Variants in VTI1A observed in about 807,000 individuals in gnomAD.
VTI1A encodes vesicle transport through interaction with t-SNAREs homolog 1A.
A neutral mutation model predicts 34.9 loss-of-function variants in VTI1A; 22 were observed. The ratio of observed to expected loss-of-function variants is 0.63; its 90% CI spans 0.45 to 0.90. VTI1A has a LOEUF of 0.90. Ranked by LOEUF, VTI1A falls within the 40% of genes least tolerant of loss-of-function variation. VTI1A has a pLI of 0.00. For missense variants in VTI1A, 268 were observed against 275.6 expected (o/e 0.97, Z 0.20); for synonymous variants, 87 against 97.3 (o/e 0.89, Z 0.62).
intron 5 of VTI1A, among the ~76,000 whole-genome samples, chr10:112,630,012 T>TA (rs1435819343): frequency 6.6e-6 from 1 of 152,212 alleles, no homozygotes; most frequent in African/African-American, 2.4e-5. Flanking sequence ...AGAGGGACTC[T>TA]AGTATGTTAA....
intron 5 of VTI1A, among the ~76,000 whole-genome samples, chr10:112,550,579 C>T (rs1851312176): frequency 1.3e-5 from 2 of 151,994 alleles, no homozygotes; most frequent in Admixed American, 6.6e-5. Flanking sequence ...CCAGCGTTGC[C>T]ACAAGAGAAC....
intron 3 of VTI1A, among the ~76,000 whole-genome samples, chr10:112,522,542 G>A (rs1850064996): frequency 1.3e-5 from 2 of 152,040 alleles, no homozygotes; most frequent in Non-Finnish European, 2.9e-5. Flanking sequence ...GGCCAAAATC[G>A]AATGGGAATG....
intron 7 of VTI1A, among the ~76,000 whole-genome samples, chr10:112,672,556 T>C (rs1847888273): frequency 6.6e-6 from 1 of 152,192 alleles, no homozygotes; most frequent in Admixed American, 6.5e-5. Context: ...ATGAAACAAG[T>C]GACCATTTAT....
At chr10:112,761,005 G>A (rs1851446645) in intron 7 of VTI1A, among the ~76,000 whole-genome samples, 1 of 151,894 alleles carries the variant, frequency 6.6e-6, no homozygotes, top group African/African-American at 2.4e-5. Flanking sequence ...ACCCTTGTCA[G>A]CACTGCTTTA....
intron 7 of VTI1A, among the ~76,000 whole-genome samples, chr10:112,780,112 TAA>T (rs773277515): frequency 3.4e-4 from 38 of 111,446 alleles, no homozygotes; most frequent in Non-Finnish European, 3.2e-4. Context: ...CCTTGTCTCT[TAA>T]AAAAAAAAAA....
chr10:112,534,418 T>C (rs1467100873), intron 4 of VTI1A, among the ~76,000 whole-genome samples: 2 of 152,170 alleles, frequency 1.3e-5, no homozygotes, highest in African/African-American at 4.8e-5. Context: ...TTAAAAATTG[T>C]CTAATTGCTT....
At chr10:112,545,992 ACG>A (rs1460912745) in intron 5 of VTI1A, among the ~76,000 whole-genome samples, 18 of 143,174 alleles carry the variant, frequency 1.3e-4, no homozygotes, top group African/African-American at 5.2e-4. Flanking sequence ...GTGTGTATAT[ACG>A]TGTATACGCG....
At chr10:112,527,210 G>A in intron 4 of VTI1A, 46 bp downstream of exon 4, 2 of 1,565,668 alleles carry the variant, frequency 1.3e-6, no homozygotes, top group Non-Finnish European at 1.8e-6. Context: ...GGAGGGTGAA[G>A]GAGGTCACTG....
chr10:112,575,558 T>C (rs1227042151), intron 5 of VTI1A, among the ~76,000 whole-genome samples: 1 of 152,262 alleles, frequency 6.6e-6, no homozygotes, highest in African/African-American at 2.4e-5. Context: ...TCATCCCTGC[T>C]GAGAGTGCTC....
At chr10:112,759,007 G>A (rs1851371982) in intron 7 of VTI1A, among the ~76,000 whole-genome samples, 1 of 152,150 alleles carries the variant, frequency 6.6e-6, no homozygotes, top group Non-Finnish European at 1.5e-5. Context: ...ATGACACCCT[G>A]TGCTGTGAAA....
intron 7 of VTI1A, among the ~76,000 whole-genome samples, chr10:112,673,465 C>CGT (rs1447415031): frequency 8.0e-5 from 4 of 50,208 alleles, no homozygotes; most frequent in East Asian, 6.9e-4. Flanking sequence ...CGCGCGTGCG[C>CGT]GCGCACACAC....
chr10:112,813,603 G>C (rs1853397979), intron 7 of VTI1A, among the ~76,000 whole-genome samples: 1 of 152,302 alleles, frequency 6.6e-6, no homozygotes. Context: ...TTTAAACAGA[G>C]CCACCAAGTA....
At chr10:112,517,277 A>T (rs1176949983) in intron 3 of VTI1A, among the ~76,000 whole-genome samples, 1 of 151,982 alleles carries the variant, frequency 6.6e-6, no homozygotes, top group Non-Finnish European at 1.5e-5. Flanking sequence ...CTGAAAAAGG[A>T]CTCAAAAGTG....
At chr10:112,610,914 A>G (rs1466249249) in intron 5 of VTI1A, among the ~76,000 whole-genome samples, 1 of 150,668 alleles carries the variant, frequency 6.6e-6, no homozygotes, top group Admixed American at 6.6e-5. Context: ...GCGAGACTCC[A>G]TCTCAAAAAA....
intron 5 of VTI1A, among the ~76,000 whole-genome samples, chr10:112,611,370 T>C (rs1845302362): frequency 1.3e-5 from 2 of 152,218 alleles, no homozygotes; most frequent in South Asian, 2.1e-4. Flanking sequence ...GGAAGGACTT[T>C]TGGAAGGATT....
intron 7 of VTI1A, among the ~76,000 whole-genome samples, chr10:112,672,152 A>G (rs1319451260): frequency 7.0e-6 from 1 of 143,010 alleles, no homozygotes. Flanking sequence ...TTAAATGGCT[A>G]TAATGCCCAC....
chr10:112,481,277 G>A (rs562149235), intron 3 of VTI1A, among the ~76,000 whole-genome samples: 1 of 152,080 alleles, frequency 6.6e-6, no homozygotes, highest in African/African-American at 2.4e-5. Flanking sequence ...GTAAAGTTAG[G>A]TGTTAGTTGG....
intron 5 of VTI1A, among the ~76,000 whole-genome samples, chr10:112,544,673 C>T (rs1010377682): frequency 1.3e-5 from 2 of 151,816 alleles, no homozygotes; most frequent in Admixed American, 1.3e-4. Context: ...ATTGGCTAGT[C>T]AGGAAGGATC....
the VTI1A span, among the ~76,000 whole-genome samples, chr10:112,830,229 T>G: frequency 6.6e-6 from 1 of 152,072 alleles, no homozygotes; most frequent in Non-Finnish European, 1.5e-5. Context: ...TGGCATAGCC[T>G]TTCGCATCAG....
Sources: gnomAD v4.1 joint callset for allele counts (sites outside exome capture counted in the v4.1 genomes callset) on GRCh38, gnomAD v4.1.1 for gene constraint, MANE v1.5 for transcripts, NCBI Gene and HGNC (gene_info 2026-07-23, HGNC 2026-07-21) for gene names.